The following LINGO2 variants were observed in gnomAD, a reference collection of about 807,000 sequenced individuals.
LINGO2 encodes the protein leucine rich repeat and Ig domain containing 2.
A neutral mutation model predicts 30.6 loss-of-function variants in LINGO2; 14 were observed. The observed-to-expected ratio is 0.46, with a 90% CI of 0.30 to 0.72. LINGO2 has a LOEUF of 0.72. LINGO2 is among the 30% of genes least tolerant of loss of function. LINGO2 has a pLI of 0.07. For synonymous variants in LINGO2, 317 were observed against 288.5 expected, an observed-to-expected ratio of 1.10 and a Z score of -1.00; for missense variants, 729 against 751.7, an observed-to-expected ratio of 0.97 and a Z score of 0.35.
At chr9:28,986,580 G>C in the LINGO2 span, among the ~76,000 whole-genome samples, 1 of 151,776 alleles carries the variant, frequency 6.6e-6, no homozygotes. Flanking sequence ...CAATATACAA[G>C]TCCTTTATCT....
rs140073958 is a variant in LINGO2 at position 28,631,617 on chromosome 9, A to G, written c.-365+38583T>C. Among the ~76,000 whole-genome samples, 150 of 152,220 alleles carry G rather than the reference A, an allele frequency of 9.9e-4. 2 individuals are homozygous for G. In the East Asian group the frequency reaches 0.028, roughly 28 times the overall value. On this transcript the variant is annotated intron_variant, in intron 1 of 5. Coordinates refer to ENST00000379992, the Ensembl canonical transcript of LINGO2. ...AGGGTCGTAATATTGGGGAAAGTGTATGAAACTTTAATAGGAAGAGAGAAC... is the reference window on the plus strand; with the variant it reads ...AGGGTCGTAATATTGGGGAAAGTGTGTGAAACTTTAATAGGAAGAGAGAAC...
intron 4 of LINGO2, among the ~76,000 whole-genome samples, chr9:28,070,042 C>T (rs1055706439): frequency 4.6e-5 from 7 of 152,102 alleles, no homozygotes. Context: ...AGCTCATGTC[C>T]GTCCACTCTC....
the LINGO2 span, among the ~76,000 whole-genome samples, chr9:29,057,344 A>T: frequency 6.6e-6 from 1 of 152,172 alleles, no homozygotes; most frequent in South Asian, 2.1e-4. Flanking sequence ...CATCCATGAA[A>T]GAGTATCTGA....
chr9:28,224,883 T>A (rs7357815), intron 4 of LINGO2, among the ~76,000 whole-genome samples: 3 of 151,890 alleles, frequency 2.0e-5, no homozygotes, highest in East Asian at 1.9e-4. Context: ...AATATACTAC[T>A]AAGCTATAGT....
At chr9:29,027,819 C>G in the LINGO2 span, among the ~76,000 whole-genome samples, 1 of 152,128 alleles carries the variant, frequency 6.6e-6, no homozygotes, top group Non-Finnish European at 1.5e-5. Flanking sequence ...CTGCCCTAAA[C>G]TTTACTTTTC....
chr9:28,663,919 T>C (rs1476387874), intron 1 of LINGO2, among the ~76,000 whole-genome samples: 1 of 65,020 alleles, frequency 1.5e-5, no homozygotes, highest in Non-Finnish European at 2.7e-5. Flanking sequence ...TATATATGAA[T>C]TATTATACCT....
At chr9:27,949,520 G>A (rs148834097) in exon 6 of LINGO2, 165 of 1,613,938 alleles carry the variant, frequency 1.0e-4, no homozygotes, top group Non-Finnish European at 1.1e-4. Context: ...TGGTGTCTGG[G>A]CCAGCACACA....
the LINGO2 span, among the ~76,000 whole-genome samples, chr9:28,998,399 T>C: frequency 6.6e-6 from 1 of 152,150 alleles, no homozygotes; most frequent in South Asian, 2.1e-4. Context: ...AATTATGTTT[T>C]CCCTTTTTAA....
the LINGO2 span, among the ~76,000 whole-genome samples, chr9:28,915,585 T>C: frequency 6.6e-6 from 1 of 152,218 alleles, no homozygotes; most frequent in Non-Finnish European, 1.5e-5. Flanking sequence ...ATTACTTCAA[T>C]AGTATTGAAA....
the LINGO2 span, among the ~76,000 whole-genome samples, chr9:28,804,739 G>T: frequency 6.6e-6 from 1 of 151,920 alleles, no homozygotes; most frequent in Non-Finnish European, 1.5e-5. Flanking sequence ...TCATTAAGTG[G>T]GTCAGTTTCT....
chr9:28,686,540 T>G, the LINGO2 span, among the ~76,000 whole-genome samples: 1 of 151,992 alleles, frequency 6.6e-6, no homozygotes, highest in African/African-American at 2.4e-5. Context: ...TTTCATAGAG[T>G]ACAATCTTGG....
chr9:27,995,676 A>G (rs10118749), intron 5 of LINGO2, among the ~76,000 whole-genome samples: 6,000 of 152,266 alleles, frequency 0.039, 432 homozygotes, highest in African/African-American at 0.14. Context: ...CATGGTAAAA[A>G]CTTTCAACAA....
chr9:28,952,316 A>G, the LINGO2 span, among the ~76,000 whole-genome samples: 2 of 152,264 alleles, frequency 1.3e-5, no homozygotes, highest in African/African-American at 4.8e-5. Context: ...CAAGTCCTCA[A>G]ATTTCGACCT....
At chr9:28,348,081 A>G (rs1457723187) in intron 3 of LINGO2, among the ~76,000 whole-genome samples, 2 of 152,188 alleles carry the variant, frequency 1.3e-5, no homozygotes, top group Non-Finnish European at 2.9e-5. Context: ...AGTGAATATA[A>G]GCAGTGATTG....
the LINGO2 span, among the ~76,000 whole-genome samples, chr9:28,707,788 A>C: frequency 6.6e-6 from 1 of 152,098 alleles, no homozygotes; most frequent in Non-Finnish European, 1.5e-5. Flanking sequence ...AGGAAGAAGT[A>C]GTGTAATAAA....
chr9:28,461,476 A>G (rs1825080723), intron 2 of LINGO2, among the ~76,000 whole-genome samples: 1 of 152,216 alleles, frequency 6.6e-6, no homozygotes, highest in South Asian at 2.1e-4. Flanking sequence ...TAGGTTGGGC[A>G]TGTATTATTT....
At chr9:28,286,104 A>G (rs773521822) in intron 4 of LINGO2, among the ~76,000 whole-genome samples, 20 of 152,206 alleles carry the variant, frequency 1.3e-4, no homozygotes, top group Non-Finnish European at 2.4e-4. Flanking sequence ...GCATGATTAT[A>G]TGTCACTCTG....
At chr9:28,757,939 C>G in the LINGO2 span, among the ~76,000 whole-genome samples, 1 of 152,050 alleles carries the variant, frequency 6.6e-6, no homozygotes, top group Non-Finnish European at 1.5e-5. Context: ...TCAATGCTCA[C>G]AGGCTTGCCC....
chr9:29,201,543 T>C, the LINGO2 span, among the ~76,000 whole-genome samples: 2 of 152,038 alleles, frequency 1.3e-5, no homozygotes, highest in Non-Finnish European at 2.9e-5. Context: ...CTTTGTTCTA[T>C]AACCTATAAA....
Sources: allele counts gnomAD v4.1 joint callset (sites outside exome capture counted in the v4.1 genomes callset), GRCh38; gene constraint gnomAD v4.1.1; transcripts MANE v1.5; gene names NCBI Gene and HGNC (gene_info 2026-07-23, HGNC 2026-07-21).